Variants in IDUA observed in about 807,000 individuals in gnomAD.
IDUA encodes alpha-L-iduronidase, also known as iduronidase alpha-L-.
A neutral mutation model predicts 68.9 loss-of-function variants in IDUA; 65 were observed. The observed-to-expected ratio is 0.94, with a 90% CI of 0.77 to 1.16. The LOEUF (loss-of-function observed/expected upper bound fraction) is 1.16, where lower values mean the gene tolerates loss of function less well. IDUA is among the 50% of genes most tolerant of loss of function. IDUA has a pLI of 0.00. For missense variants in IDUA, 1,046 were observed against 938.0 expected, an observed-to-expected ratio of 1.12 and a Z score of -1.50; for synonymous variants, 529 against 433.6, an observed-to-expected ratio of 1.22 and a Z score of -2.73.
chr4:988,850 TG>T, intron 2 of IDUA: 1 of 1,602,010 alleles, frequency 6.2e-7, no homozygotes, highest in South Asian at 1.1e-5. Flanking sequence ...TGGGCATCGG[TG>T]GCCTCCAGCT....
In IDUA at chr4:1,003,146, C is replaced by G. The variant is rs1715218377; in HGVS notation, c.1513C>G (p.Arg505Gly). Residue 505 changes from arginine (R) to glycine (G), a missense_variant, in exon 10 of 14, where the codon CGC becomes GGC. Physicochemically the swap from Arg to Gly is moderately radical, Grantham distance 125 (BLOSUM62 -2). Transcript: ENST00000514224. ...CACGGCAGAGCAGTTCCGGCGCATG[C>G]GCGCGGCTGAGGTAGGTGGGCCGCG... ...FPTAEQFRRM[R>G]AAEDPVAAAP... 5 of 1,397,822 alleles carry G rather than the reference C, an allele frequency of 3.6e-6. No homozygotes were observed. The highest frequency in any genetic ancestry group is 4.7e-6 in the Non-Finnish European group (5 of 1,074,596). 86.6% of individuals were successfully genotyped at this position (1,397,822 alleles called of 1,614,324 possible).
In IDUA at chr4:1,003,548, G is replaced by A. The variant is rs757179185; in HGVS notation, c.1651-1G>A. On this transcript the variant is annotated splice_acceptor_variant, in intron 11 of 13. Transcript: ENST00000514224. LOFTEE classifies it high-confidence loss of function. ...GCCATCACAGCCCTTCCCTCCCCCA[G>A]GTCACGCGGCTCCGCGCCCTGCCCC... 1 of 1,611,616 alleles carries A rather than the reference G, an allele frequency of 6.2e-7. No homozygotes were observed.
Position 1,002,800 on chromosome 4 carries a change from G to T in IDUA, c.1258G>T (p.Val420Phe). Residue 420 changes from valine to phenylalanine, a missense_variant, in exon 9 of 14, where the codon GTC becomes TTC. Physicochemically the swap from Val to Phe is conservative, Grantham distance 50. Coordinates refer to ENST00000514224, the MANE Select transcript of IDUA (RefSeq NM_000203.5). ...TVLDSNHTVG[V>F]LASAHRPQGP... Reference sequence around the variant, plus strand: ...CCTGGACAGCAACCACACGGTGGGCGTCCTGGCCAGCGCCCACCGCCCCCA... The same window carrying T: ...CCTGGACAGCAACCACACGGTGGGCTTCCTGGCCAGCGCCCACCGCCCCCA... 1 of 1,465,554 alleles carries T rather than the reference G, an allele frequency of 6.8e-7. No homozygotes were observed. The highest frequency in any genetic ancestry group is 9.0e-7 in the Non-Finnish European group (1 of 1,114,448). 90.8% of individuals were successfully genotyped at this position (1,465,554 alleles called of 1,614,324 possible).
chr4:996,564 G>A (rs533272433), intron 2 of IDUA, among the ~76,000 whole-genome samples: 124 of 152,288 alleles, frequency 8.1e-4, no homozygotes, highest in African/African-American at 2.9e-3. Context: ...GCAGGTGAGC[G>A]TAGTTCAGGA....
At position 1,000,700 on chromosome 4, in the gene IDUA, G is replaced by A. The variant is rs1289345226; in HGVS notation, c.385+3G>A. ...CAGGGAGAACCAGCTCCTCCCAGGTGAGCTGTGGGCTCTGCCCTCCCAGCC... is the reference window on the plus strand; with the variant it reads ...CAGGGAGAACCAGCTCCTCCCAGGTAAGCTGTGGGCTCTGCCCTCCCAGCC... On this transcript the variant is annotated splice_donor_region_variant and intron_variant, in intron 3 of 13. Transcript: ENST00000514224. 1.2e-6 allele frequency: 2 copies of A among 1,608,086 alleles called. No individual in the cohort carries two copies. Among genetic ancestry groups the A allele is most frequent in the Non-Finnish European group, 1.7e-6 (2 of 1,176,180 alleles).
chr4:989,657 G>A, intron 2 of IDUA: 1 of 1,577,764 alleles, frequency 6.3e-7, no homozygotes. Flanking sequence ...GCCAGCGCCA[G>A]CAGCACCAGC....
intron 2 of IDUA, among the ~76,000 whole-genome samples, chr4:996,041 C>A (rs868205143): frequency 2.0e-5 from 3 of 152,302 alleles, no homozygotes; most frequent in African/African-American, 7.2e-5. Flanking sequence ...GGTCTCATAC[C>A]CCCATAGCCT....
At chr4:1,001,939 G>A in intron 6 of IDUA, 43 bp from the exon 7 acceptor site, 5 of 1,569,962 alleles carry the variant, frequency 3.2e-6, no homozygotes, top group Non-Finnish European at 4.3e-6. Context: ...CTGTGCCCCG[G>A]GCCGCGCTGA....
At chr4:987,607 C>T (rs1713836356) in intron 1 of IDUA, 1 of 1,434,938 alleles carries the variant, frequency 7.0e-7, no homozygotes. Flanking sequence ...GGCGTTGGCC[C>T]CTCGTCTTAC....
Position 1,003,168 on chromosome 4 carries a change from C to T in IDUA, c.1524+11C>T, listed in dbSNP as rs762797182. ...ATGCGCGCGGCTGAGGTAGGTGGGCCGCGGAGGGGCGAGGGGCCGGGCCGG... is the reference window on the plus strand; with the variant it reads ...ATGCGCGCGGCTGAGGTAGGTGGGCTGCGGAGGGGCGAGGGGCCGGGCCGG... On this transcript the variant is annotated intron_variant, in intron 10 of 13. Transcript: ENST00000514224. The T allele has an allele frequency of 7.9e-7, 1 of 1,269,716 alleles. No individual in the cohort carries two copies. The highest frequency in any genetic ancestry group is 2.0e-5 in the South Asian group (1 of 50,208). 78.7% of individuals were successfully genotyped at this position (1,269,716 alleles called of 1,614,324 possible).
In IDUA at chr4:1,001,546, T is replaced by A; in HGVS notation, c.572T>A (p.Val191Asp). 1 of 1,613,138 alleles carries A rather than the reference T, an allele frequency of 6.2e-7. No individual in the cohort carries two copies. Among genetic ancestry groups the A allele is most frequent in the Non-Finnish European group, 8.5e-7 (1 of 1,179,924 alleles). Residue 191 changes from valine to aspartate, a missense_variant, in exon 5 of 14, where the codon GTC becomes GAC. By Grantham distance (152) the Val-to-Asp change is radical. Coordinates refer to ENST00000514224, the MANE Select transcript of IDUA (RefSeq NM_000203.5). ...NEPDHHDFDN[V>D]SMTMQGFLNY... ...CCAGACCACCACGACTTTGACAACG[T>A]CTCCATGACCATGCAAGGTGTGCAC... is the stretch of plus-strand genomic sequence containing the variant.
In IDUA at chr4:987,084, C is replaced by T. The variant is rs1163109681; in HGVS notation, c.-1C>T. The T allele has an allele frequency of 4.0e-6, 6 of 1,484,488 alleles. No individual in the cohort carries two copies. The highest frequency in any genetic ancestry group is 5.3e-6 in the Non-Finnish European group (6 of 1,124,674). The allele number at this position is 1,484,488 out of a possible 1,614,324, so 92.0% of individuals were successfully genotyped here. A position where few individuals can be genotyped will look rare whatever the true frequency, so the allele number is the denominator to read the frequency against. ...CCCGCAGTCCCCGAGCACGCGTGGC[C>T]ATGCGTCCCCTGCGCCCCCGCGCCG... On this transcript the variant is annotated 5_prime_UTR_variant, in exon 1 of 14. Coordinates refer to ENST00000514224, the MANE Select transcript of IDUA (RefSeq NM_000203.5).
rs757758111 is a variant in IDUA, at chr4:987,787, G to C, written c.159-22G>C. Reference sequence around the variant, plus strand: ...CAGCCATGCTGAGGCTCGGGACTGAGCCGCCCCTTTGTTGTCCCCAGCCCC... The same window carrying C: ...CAGCCATGCTGAGGCTCGGGACTGACCCGCCCCTTTGTTGTCCCCAGCCCC... On this transcript the variant is annotated intron_variant, in intron 1 of 13. Coordinates refer to ENST00000514224, the MANE Select transcript of IDUA (RefSeq NM_000203.5). 28 of 1,611,668 alleles carry C rather than the reference G, an allele frequency of 1.7e-5. No individual in the cohort carries two copies. The African/African-American group carries it at 3.5e-4, about 20-fold the overall frequency.
In IDUA at chr4:1,004,246, C is replaced by A. The variant is rs1390363233; in HGVS notation, c.1829-14C>A. ...GGCAGGTTCCGGTTGGCACACATGT[C>A]CCCTTGTCTCCAGACACAGGTGCTG... On this transcript the variant is annotated splice_polypyrimidine_tract_variant and intron_variant, in intron 13 of 13. Transcript: ENST00000514224. This position sits in a 1 kb window ranked among gnomAD's most constrained non-coding sequence, Gnocchi z 5.0. 2.5e-6 allele frequency: 4 copies of A among 1,609,442 alleles called. No homozygotes were observed. The South Asian group carries it at 4.4e-5, about 18-fold the overall frequency.
Position 1,003,642 on chromosome 4 carries a change from G to T in IDUA, c.1727+17G>T, listed in dbSNP as rs1426379775. The stretch of plus-strand genomic sequence containing the variant: ...GGGCTCCAAGTGCGTGAGTGGGGCC[G>T]CCCCTCCCTCTGCCTGGTCCTAGGC... On this transcript the variant is annotated intron_variant, in intron 12 of 13. Coordinates refer to ENST00000514224, the MANE Select transcript of IDUA (RefSeq NM_000203.5). 13 of 1,611,416 alleles carry T rather than the reference G, an allele frequency of 8.1e-6. No individual in the cohort carries two copies. The highest frequency in any genetic ancestry group is 1.1e-5 in the Non-Finnish European group (13 of 1,179,230).
chr4:1,003,170 CGGAGGGGCGAGGGGCCGG>C lies in IDUA; in HGVS notation c.1524+15_1524+32del. 9.6e-7 allele frequency: 1 copy of C among 1,038,668 alleles called. No homozygotes were observed. The allele number at this position is 1,038,668 out of a possible 1,614,324, so 64.3% of individuals were successfully genotyped here. On this transcript the variant is annotated intron_variant, in intron 10 of 13. Coordinates refer to ENST00000514224, the MANE Select transcript of IDUA (RefSeq NM_000203.5). ...GCGCGCGGCTGAGGTAGGTGGGCCG[CGGAGGGGCGAGGGGCCGG>C]GCCGGGCCGGGGTCCCGGGGGGGTG...
chr4:1,003,007 A>T (rs1715201989), intron 9 of IDUA, 29 bp from the exon 10 acceptor site: 4 of 1,439,456 alleles, frequency 2.8e-6, no homozygotes, highest in Non-Finnish European at 3.6e-6. Flanking sequence ...CGGCCCGGGG[A>T]GCCGAGGCCT....
intron 2 of IDUA, among the ~76,000 whole-genome samples, chr4:994,294 G>C (rs894177717): frequency 7.6e-6 from 1 of 131,220 alleles, no homozygotes; most frequent in Admixed American, 7.5e-5. Flanking sequence ...TTTTTTTTTT[G>C]AGGCGGAGTC....
intron 7 of IDUA, 22 bp from the exon 8 acceptor site, chr4:1,002,247 C>T (rs943117745): frequency 3.7e-5 from 59 of 1,602,216 alleles, no homozygotes; most frequent in Non-Finnish European, 4.9e-5. Flanking sequence ...CACCCGGTCC[C>T]AGCTGCCCTG....
Sources: gnomAD v4.1 joint callset for allele counts (sites outside exome capture counted in the v4.1 genomes callset) on GRCh38, gnomAD v4.1.1 for gene constraint, Gnocchi (gnomAD v3.1) non-coding constraint, MANE v1.5 for transcripts, NCBI Gene and HGNC (gene_info 2026-07-23, HGNC 2026-07-21) for gene names.